TBC1D9: variants seen among roughly 807,000 people sequenced by gnomAD.
TBC1D9 encodes TBC1 domain family member 9A.
A neutral mutation model predicts 132.0 loss-of-function variants in TBC1D9; 63 were observed. The ratio of observed to expected loss-of-function variants is 0.48; its 90% CI spans 0.39 to 0.59. The LOEUF (loss-of-function observed/expected upper bound fraction) is 0.59, where lower values mean the gene tolerates loss of function less well. TBC1D9 is among the 20% of genes least tolerant of loss of function. The pLI is 0.00. For synonymous variants in TBC1D9, 610 were observed against 609.9 expected (o/e 1.00, Z 0.00); for missense variants, 1,261 against 1,592.7 (o/e 0.79, Z 3.54).
chr4:140,703,326 G>C (rs1738099884), intron 1 of TBC1D9, among the ~76,000 whole-genome samples: 1 of 152,152 alleles, frequency 6.6e-6, no homozygotes, highest in African/African-American at 2.4e-5. Context: ...ATAATGTCTT[G>C]AGGTTTGGTT....
intron 3 of TBC1D9, among the ~76,000 whole-genome samples, chr4:140,683,783 A>C (rs1737741304): frequency 6.6e-6 from 1 of 152,272 alleles, no homozygotes; most frequent in Non-Finnish European, 1.5e-5. Flanking sequence ...AGAGATTCTA[A>C]CTGACAATAT....
chr4:140,712,449 A>AATATATATATATATATATATATATAT lies in TBC1D9; in HGVS notation c.131-10836_131-10835insATATATATATATATATATATATATAT, dbSNP rs10530134. 6.2e-3 allele frequency among the ~76,000 whole-genome samples: 640 copies of AATATATATATATATATATATATATAT among 102,624 alleles called. 54 individuals carry two copies. The highest frequency in any genetic ancestry group is 0.012 in the African/African-American group (245 of 20,624). 67.3% of individuals were successfully genotyped at this position (102,624 alleles called of 152,430 possible). A position where few individuals can be genotyped will look rare whatever the true frequency, so the allele number is the denominator to read the frequency against. On this transcript the variant is annotated intron_variant, in intron 1 of 20. Coordinates refer to ENST00000442267, the MANE Select transcript of TBC1D9 (RefSeq NM_015130.3). ...CTGAATATGCTCTTTAAAAAAAAAG[A>AATATATATATATATATATATATATAT]ATATATATATATGCCAGGTGCGGTG...
intron 5 of TBC1D9, among the ~76,000 whole-genome samples, chr4:140,677,636 A>T (rs940840039): frequency 3.3e-5 from 5 of 152,110 alleles, no homozygotes; most frequent in Non-Finnish European, 5.9e-5. Flanking sequence ...TTCTCTAATG[A>T]GTTCTTTGTT....
At chr4:140,722,050 G>A (rs1389392196) in intron 1 of TBC1D9, among the ~76,000 whole-genome samples, 1 of 152,088 alleles carries the variant, frequency 6.6e-6, no homozygotes, top group Admixed American at 6.5e-5. Context: ...CCCCTGTCCT[G>A]GGACTCCTAT....
chr4:140,695,043 A>G (rs1175686084), intron 2 of TBC1D9, among the ~76,000 whole-genome samples: 1 of 152,224 alleles, frequency 6.6e-6, no homozygotes, highest in Non-Finnish European at 1.5e-5. Context: ...GAAGGCAACT[A>G]AATTACCCAA....
intron 2 of TBC1D9, among the ~76,000 whole-genome samples, chr4:140,698,288 C>T (rs915202085): frequency 1.3e-5 from 2 of 152,116 alleles, no homozygotes; most frequent in Non-Finnish European, 1.5e-5. Flanking sequence ...CTTCCTCTTC[C>T]TTAATCCTTT....
intron 1 of TBC1D9, among the ~76,000 whole-genome samples, chr4:140,711,157 T>G (rs78403574): frequency 0.044 from 6,671 of 152,306 alleles, 335 homozygotes; most frequent in African/African-American, 0.12. Context: ...AGGCGGGGGC[T>G]TAATTTAATT....
At chr4:140,691,631 T>C (rs2111030780) in intron 2 of TBC1D9, among the ~76,000 whole-genome samples, 1 of 152,338 alleles carries the variant, frequency 6.6e-6, no homozygotes, top group Middle Eastern at 3.4e-3. Flanking sequence ...ATGTTGGGTA[T>C]GAGAATCCTT....
chr4:140,664,768 C>A (rs74953379), intron 9 of TBC1D9, among the ~76,000 whole-genome samples: 5 of 151,942 alleles, frequency 3.3e-5, no homozygotes, highest in African/African-American at 1.2e-4. Flanking sequence ...GATATCCATA[C>A]GGAAAAGAAT....
chr4:140,755,223 C>A (rs1738989871), intron 1 of TBC1D9, among the ~76,000 whole-genome samples: 2 of 152,148 alleles, frequency 1.3e-5, no homozygotes, highest in African/African-American at 4.8e-5. Context: ...ATCTTATTAT[C>A]CTGAATGATA....
Position 140,701,426 on chromosome 4 carries a change from T to G in TBC1D9, c.241+78A>C, listed in dbSNP as rs577300942. ...AGTGATTGCATTCAGCAAGTACACGTTCCTTTCCTTCTGATAAAAAGTTGT... is the reference window on the plus strand; with the variant it reads ...AGTGATTGCATTCAGCAAGTACACGGTCCTTTCCTTCTGATAAAAAGTTGT... On this transcript the variant is annotated intron_variant, in intron 2 of 20. Transcript: ENST00000442267. 65 of 1,071,710 alleles carry G rather than the reference T, an allele frequency of 6.1e-5. No individual in the cohort carries two copies. In the South Asian group the frequency reaches 6.8e-4, roughly 11 times the overall value. 66.4% of individuals were successfully genotyped at this position (1,071,710 alleles called of 1,614,324 possible).
intron 1 of TBC1D9, 77 bp from the exon 2 acceptor site, chr4:140,701,691 TG>T (rs1342484076): frequency 1.8e-6 from 2 of 1,081,316 alleles, no homozygotes; most frequent in Non-Finnish European, 2.8e-6. Flanking sequence ...AGCATGAACA[TG>T]CCCTTTCATG....
At chr4:140,694,520 G>A (rs776992457) in intron 2 of TBC1D9, among the ~76,000 whole-genome samples, 14 of 148,998 alleles carry the variant, frequency 9.4e-5, no homozygotes, top group Non-Finnish European at 1.9e-4. Context: ...GCAGTAGGCC[G>A]AGATCGTGCC....
chr4:140,737,572 T>C (rs1349773270), intron 1 of TBC1D9, among the ~76,000 whole-genome samples: 1 of 152,042 alleles, frequency 6.6e-6, no homozygotes, highest in Non-Finnish European at 1.5e-5. Flanking sequence ...GGTACCAGGA[T>C]AAGAGTAAGA....
chr4:140,733,543 T>C (rs1738630222), intron 1 of TBC1D9, among the ~76,000 whole-genome samples: 1 of 152,220 alleles, frequency 6.6e-6, no homozygotes, highest in African/African-American at 2.4e-5. Context: ...TATATTCTTA[T>C]TATGTGTGTT....
At chr4:140,657,001 C>T (rs7683748) in intron 13 of TBC1D9, 96 bp downstream of exon 13, 774,084 of 1,377,450 alleles carry the variant, frequency 0.56, 219,998 homozygotes, top group Middle Eastern at 0.67. Flanking sequence ...GTTCTTTGCC[C>T]AGTCTGTGGT....
intron 2 of TBC1D9, among the ~76,000 whole-genome samples, chr4:140,697,842 C>T (rs1737994067): frequency 1.3e-5 from 2 of 152,124 alleles, no homozygotes; most frequent in South Asian, 4.1e-4. Flanking sequence ...ACAGGAGACA[C>T]AAACCAGTTC....
chr4:140,718,041 A>T (rs1250181028), intron 1 of TBC1D9, among the ~76,000 whole-genome samples: 1 of 152,224 alleles, frequency 6.6e-6, no homozygotes, highest in Non-Finnish European at 1.5e-5. Flanking sequence ...AAAGCATTTT[A>T]GATAATAGTG....
At chr4:140,643,746 G>A in intron 13 of TBC1D9, 1 of 1,135,290 alleles carries the variant, frequency 8.8e-7, no homozygotes, top group South Asian at 1.5e-5. Flanking sequence ...ATCCACGCAT[G>A]CTTCAGGCCC....
Sources: allele counts gnomAD v4.1 joint callset (sites outside exome capture counted in the v4.1 genomes callset), GRCh38; gene constraint gnomAD v4.1.1; transcripts MANE v1.5; gene names NCBI Gene and HGNC (gene_info 2026-07-23, HGNC 2026-07-21).